The following CCDC192 variants were observed in gnomAD, a reference collection of about 807,000 sequenced individuals.
The protein encoded by CCDC192 is coiled-coil domain-containing protein 192.
chr5:127,709,409 A>G (rs969908401), intron 2 of CCDC192, among the ~76,000 whole-genome samples: 2 of 152,186 alleles, frequency 1.3e-5, no homozygotes, highest in African/African-American at 4.8e-5. Flanking sequence ...GCTGGGAATT[A>G]TAATTCAACA....
intron 5 of CCDC192, among the ~76,000 whole-genome samples, chr5:127,829,865 C>G (rs562738135): frequency 2.6e-5 from 4 of 152,044 alleles, no homozygotes; most frequent in Non-Finnish European, 5.9e-5. Context: ...GACAAAGGAT[C>G]TTTAACAAAT....
chr5:127,937,885 G>A (rs1047593319), intron 6 of CCDC192, among the ~76,000 whole-genome samples: 4 of 152,180 alleles, frequency 2.6e-5, no homozygotes, highest in African/African-American at 4.8e-5. Flanking sequence ...GTACAAATCC[G>A]TTGAAAATAA....
At chr5:127,719,424 T>C (rs1047713164) in intron 2 of CCDC192, among the ~76,000 whole-genome samples, 1 of 147,390 alleles carries the variant, frequency 6.8e-6, no homozygotes, top group African/African-American at 2.5e-5. Flanking sequence ...TACATATATA[T>C]ATATATACAC....
At chr5:127,710,812 G>A (rs755587254) in intron 2 of CCDC192, among the ~76,000 whole-genome samples, 2 of 152,160 alleles carry the variant, frequency 1.3e-5, no homozygotes, top group Non-Finnish European at 2.9e-5. Flanking sequence ...GCTCCAGAAT[G>A]TTAAGTGATC....
intron 5 of CCDC192, among the ~76,000 whole-genome samples, chr5:127,870,844 A>G (rs1321018188): frequency 1.3e-5 from 2 of 152,260 alleles, no homozygotes; most frequent in Non-Finnish European, 2.9e-5. Flanking sequence ...ATCACTATTT[A>G]TAAGTTTCAT....
chr5:127,752,782 C>T (rs569253788), intron 2 of CCDC192, among the ~76,000 whole-genome samples: 100 of 152,296 alleles, frequency 6.6e-4, no homozygotes, highest in African/African-American at 2.3e-3. Flanking sequence ...GGGCGTAGGA[C>T]CCTCTGAGCC....
At chr5:127,820,575 C>G (rs1422990129) in intron 5 of CCDC192, among the ~76,000 whole-genome samples, 1 of 152,114 alleles carries the variant, frequency 6.6e-6, no homozygotes, top group Non-Finnish European at 1.5e-5. Flanking sequence ...GAGTGAGACT[C>G]CATCTCAAAA....
At chr5:127,937,927 G>A (rs1459196621) in intron 6 of CCDC192, among the ~76,000 whole-genome samples, 1 of 152,190 alleles carries the variant, frequency 6.6e-6, no homozygotes, top group Non-Finnish European at 1.5e-5. Flanking sequence ...AAACTGAGGA[G>A]AGAAAAGATG....
At chr5:127,712,054 C>T (rs1751369838) in intron 2 of CCDC192, among the ~76,000 whole-genome samples, 1 of 152,142 alleles carries the variant, frequency 6.6e-6, no homozygotes, top group Admixed American at 6.5e-5. Flanking sequence ...CACCTGCCCA[C>T]ACCCCTCAAG....
At chr5:127,832,385 T>C (rs1374932384) in intron 5 of CCDC192, among the ~76,000 whole-genome samples, 1 of 152,184 alleles carries the variant, frequency 6.6e-6, no homozygotes, top group Non-Finnish European at 1.5e-5. Context: ...CCCACTTCTG[T>C]GTATGTAACC....
chr5:127,902,187 G>A (rs748604992), intron 6 of CCDC192, among the ~76,000 whole-genome samples: 1 of 152,012 alleles, frequency 6.6e-6, no homozygotes, highest in Non-Finnish European at 1.5e-5. Context: ...CAGGAGAATC[G>A]CTTAAACCTG....
At chr5:127,704,463 T>C (rs1750846161) in intron 1 of CCDC192, among the ~76,000 whole-genome samples, 1 of 152,136 alleles carries the variant, frequency 6.6e-6, no homozygotes, top group African/African-American at 2.4e-5. Flanking sequence ...GCTGGGATTA[T>C]AGGCATGAGC....
intron 5 of CCDC192, among the ~76,000 whole-genome samples, chr5:127,837,909 AC>A (rs1379944507): frequency 6.6e-6 from 1 of 152,016 alleles, no homozygotes; most frequent in African/African-American, 2.4e-5. Flanking sequence ...AATTGCTTGA[AC>A]CCAGGAGGCG....
intron 5 of CCDC192, among the ~76,000 whole-genome samples, chr5:127,803,965 G>T (rs531757078): frequency 3.3e-5 from 5 of 152,286 alleles, no homozygotes; most frequent in Non-Finnish European, 7.4e-5. Context: ...AGTGAATTTT[G>T]GAAACCAGAA....
chr5:127,796,208 A>T (rs1757156568), intron 3 of CCDC192, among the ~76,000 whole-genome samples: 1 of 152,214 alleles, frequency 6.6e-6, no homozygotes, highest in African/African-American at 2.4e-5. Context: ...TGACCTCTTC[A>T]TGCTTCCATA....
intron 6 of CCDC192, among the ~76,000 whole-genome samples, chr5:127,928,148 G>T (rs984961067): frequency 6.6e-6 from 1 of 151,888 alleles, no homozygotes; most frequent in Non-Finnish European, 1.5e-5. Context: ...AGCTGGTCTC[G>T]AACTCAGGTA....
At chr5:127,724,909 A>G (rs1186467105) in intron 2 of CCDC192, among the ~76,000 whole-genome samples, 1 of 151,858 alleles carries the variant, frequency 6.6e-6, no homozygotes, top group Non-Finnish European at 1.5e-5. Context: ...ACTTACCCCT[A>G]TATATACTAG....
chr5:127,841,977 G>A (rs1750311031), intron 5 of CCDC192, among the ~76,000 whole-genome samples: 1 of 152,244 alleles, frequency 6.6e-6, no homozygotes, highest in Admixed American at 6.5e-5. Flanking sequence ...AGAAAAGGGA[G>A]TGACAGAGGC....
At chr5:127,759,639 A>G (rs1471596345) in intron 3 of CCDC192, among the ~76,000 whole-genome samples, 1 of 152,160 alleles carries the variant, frequency 6.6e-6, no homozygotes, top group African/African-American at 2.4e-5. Flanking sequence ...TAGGTTCTCA[A>G]AAACATCTGT....
Sources: allele counts gnomAD v4.1 joint callset (sites outside exome capture counted in the v4.1 genomes callset), GRCh38; gene constraint gnomAD v4.1.1; transcripts MANE v1.5; gene names NCBI Gene and HGNC (gene_info 2026-07-23, HGNC 2026-07-21).